SLCO4A1: variants seen among roughly 807,000 people sequenced by gnomAD.
SLCO4A1 encodes colon organic anion transporter.
In SLCO4A1, 51 loss-of-function variants were observed where a neutral mutation model predicts 64.6. The ratio of observed to expected loss-of-function variants is 0.79; its 90% CI spans 0.63 to 1.00. SLCO4A1 has a LOEUF of 1.00. SLCO4A1 is among the 50% of genes least tolerant of loss of function. The pLI is 0.00. For missense variants in SLCO4A1, 919 were observed against 980.5 expected (o/e 0.94, Z 0.84); for synonymous variants, 471 against 444.9 (o/e 1.06, Z -0.74).
chr20:62,677,675 AG>A (rs1290437326), intron 2 of SLCO4A1, among the ~76,000 whole-genome samples: 5 of 152,222 alleles, frequency 3.3e-5, no homozygotes, highest in African/African-American at 1.2e-4. Context: ...CCTCTGCTGG[AG>A]GTGGGGTCTG....
rs770800915 is a variant in SLCO4A1 at position 62,671,977 on chromosome 20, G to A, written c.*84G>A. The A allele has an allele frequency of 2.2e-4, 350 of 1,598,520 alleles. 1 individual carries two copies. Among genetic ancestry groups the A allele is most frequent in the East Asian group, 2.9e-4 (13 of 44,854 alleles). On this transcript the variant is annotated 3_prime_UTR_variant, in exon 12 of 12. Coordinates refer to ENST00000217159, the MANE Select transcript of SLCO4A1 (RefSeq NM_016354.4). ...GTGCCGTTGGGTGATGCAATCACAC[G>A]GGAACTTCTATTTGACCTGCAACCT...
downstream of SLCO4A1, among the ~76,000 whole-genome samples, chr20:62,689,615 T>C (rs1254429037): frequency 2.0e-5 from 3 of 152,106 alleles, no homozygotes; most frequent in African/African-American, 4.8e-5. Flanking sequence ...CCTGAGCAGC[T>C]GTCTCCACCC....
At chr20:62,654,623 A>C (rs1416560259) in intron 1 of SLCO4A1, among the ~76,000 whole-genome samples, 2 of 152,260 alleles carry the variant, frequency 1.3e-5, no homozygotes, top group Non-Finnish European at 2.9e-5. Flanking sequence ...CCCCGGCCTC[A>C]GCCTGATGTC....
rs1986657031 is a variant in SLCO4A1 at position 62,667,899 on chromosome 20, G to A, written c.1627G>A (p.Asp543Asn). The A allele has an allele frequency of 6.2e-7, 1 of 1,613,998 alleles. No homozygotes were observed. The highest frequency in any genetic ancestry group is 1.3e-5 in the African/African-American group (1 of 75,066). ...CCCTGCAGCCACGGAGACGAATGTG[G>A]ACGGCCAGAAGGTGAGTGGAGCCGC... ...GCPAATETNVDGQKVYRDCSC... is the reference protein window; with the variant it reads ...GCPAATETNVNGQKVYRDCSC... The change falls in exon 8 of 12, where the codon GAC becomes AAC. Residue 543 changes from aspartate to asparagine, a missense_variant. By Grantham distance (23) the Asp-to-Asn change is conservative. Transcript: ENST00000217159.
rs373153602 is a variant in SLCO4A1, at chr20:62,661,134, G to A, written c.1080G>A (p.Ala360=). 130 of 1,613,390 alleles carry A rather than the reference G, an allele frequency of 8.1e-5. No homozygotes were observed. The highest frequency in any genetic ancestry group is 3.7e-4 in the African/African-American group (28 of 75,028). Residue 360 remains alanine (A), a synonymous_variant, in exon 5 of 12, where the codon GCG becomes GCA. Coordinates refer to ENST00000217159, the MANE Select transcript of SLCO4A1 (RefSeq NM_016354.4). The surrounding 1 kb of genome is among the most constrained non-coding windows in gnomAD (Gnocchi z 5.2). ...TGAAGGACAGCAGCCGTGGGGAGGC[G>A]AGCAACCCGGACTTTGGGAAAACCA... is the stretch of plus-strand genomic sequence containing the variant. ...HQLKDSSRGE[A]SNPDFGKTIR...
chr20:62,663,203 T>TG (rs1314426730), intron 5 of SLCO4A1: 3 of 152,220 alleles, frequency 2.0e-5, no homozygotes, highest in Non-Finnish European at 4.4e-5. Flanking sequence ...AAGGCACCTG[T>TG]GGGCCTGTTG....
chr20:62,682,366 G>C (rs1258062174), intron 2 of SLCO4A1, among the ~76,000 whole-genome samples: 1 of 152,190 alleles, frequency 6.6e-6, no homozygotes, highest in Non-Finnish European at 1.5e-5. Context: ...TTTGCATGAG[G>C]GAGAATTGTG....
chr20:62,690,564 G>A (rs990578285), downstream of SLCO4A1, among the ~76,000 whole-genome samples: 54 of 152,138 alleles, frequency 3.5e-4, no homozygotes, highest in African/African-American at 1.3e-3. Context: ...AACTGCAAAA[G>A]GAAATTAACA....
At chr20:62,664,175 A>G (rs1039027970) in intron 5 of SLCO4A1, among the ~76,000 whole-genome samples, 1 of 152,182 alleles carries the variant, frequency 6.6e-6, no homozygotes, top group African/African-American at 2.4e-5. Context: ...CTGAGCCCTC[A>G]GGGCCAGACG....
chr20:62,651,152 C>T (rs915497994), intron 1 of SLCO4A1: 3 of 152,384 alleles, frequency 2.0e-5, no homozygotes, highest in Non-Finnish European at 4.4e-5. Flanking sequence ...CCCATCATAG[C>T]CAGCTTTTAT....
chr20:62,687,767 G>A (rs1202174653), downstream of SLCO4A1, among the ~76,000 whole-genome samples: 2 of 152,284 alleles, frequency 1.3e-5, no homozygotes, highest in East Asian at 1.9e-4. Context: ...CTGGGGCCGC[G>A]GGTCCCATGT....
downstream of SLCO4A1, among the ~76,000 whole-genome samples, chr20:62,673,541 G>A (rs1368709968): frequency 1.4e-5 from 2 of 143,904 alleles, no homozygotes; most frequent in African/African-American, 4.9e-5. Flanking sequence ...ATCCCTGACC[G>A]GGTTATTAGA....
In SLCO4A1 at chr20:62,668,992, G is replaced by T; in HGVS notation, c.1939G>T (p.Asp647Tyr). 6.2e-7 allele frequency: 1 copy of T among 1,610,574 alleles called. No individual in the cohort carries two copies. ...CGACAAGGCCTGTCTGCTGTGGCAG[G>T]ACCAGTGTGGCCAGCAGGGCTCCTG... ...VIDKACLLWQDQCGQQGSCLV... is the reference protein window; with the variant it reads ...VIDKACLLWQYQCGQQGSCLV... The change falls in exon 11 of 12, where the codon GAC becomes TAC. Residue 647 changes from aspartate to tyrosine, a missense_variant. Asp to Tyr is a radical substitution (Grantham distance 160). Coordinates refer to ENST00000217159, the MANE Select transcript of SLCO4A1 (RefSeq NM_016354.4).
intron 2 of SLCO4A1, among the ~76,000 whole-genome samples, chr20:62,681,537 CGT>C (rs10622663): frequency 6.8e-6 from 1 of 146,138 alleles, no homozygotes; most frequent in East Asian, 2.0e-4. Context: ...TGTACACACT[CGT>C]GTGTGTATTA....
intron 7 of SLCO4A1, chr20:62,667,433 T>G (rs1427890549): frequency 2.9e-6 from 1 of 343,052 alleles, no homozygotes; most frequent in Non-Finnish European, 5.3e-6. Flanking sequence ...TTTCCTAATG[T>G]TTGTATTTGA....
Position 62,658,566 on chromosome 20 carries a change from G to A in SLCO4A1, c.797-111G>A, listed in dbSNP as rs965659559. 9.7e-5 allele frequency: 77 copies of A among 795,312 alleles called. 1 individual carries two copies. The highest frequency in any genetic ancestry group is 7.6e-4 in the South Asian group (47 of 62,246). 49.3% of individuals were successfully genotyped at this position (795,312 alleles called of 1,614,324 possible). On this transcript the variant is annotated intron_variant, in intron 2 of 11. Transcript: ENST00000217159. The stretch of plus-strand genomic sequence containing the variant: ...AAGAGGCCCATGAGGGGAGTGGGCC[G>A]GAGATGCAGAATGGCGGGTGCGGGG...
downstream of SLCO4A1, among the ~76,000 whole-genome samples, chr20:62,676,209 G>A (rs1283895360): frequency 1.3e-5 from 2 of 152,100 alleles, no homozygotes; most frequent in Non-Finnish European, 2.9e-5. Context: ...GAGCCCAGGA[G>A]CTTGAGACCA....
Position 62,668,955 on chromosome 20 carries a change from C to A in SLCO4A1, c.1902C>A (p.Phe634Leu), listed in dbSNP as rs201252224. The change falls in exon 11 of 12, where the codon TTC (phenylalanine) becomes TTA (leucine). Residue 634 changes from phenylalanine (F) to leucine (L), a missense_variant. Coordinates refer to ENST00000217159, the MANE Select transcript of SLCO4A1 (RefSeq NM_016354.4). ...ILGGIPGPIA[F>L]GWVIDKACLL... ...GGGGCATCCCGGGGCCCATCGCCTT[C>A]GGCTGGGTGATCGACAAGGCCTGTC... 6.2e-7 allele frequency: 1 copy of A among 1,607,282 alleles called. No individual in the cohort carries two copies. Among genetic ancestry groups the A allele is most frequent in the Non-Finnish European group, 8.5e-7 (1 of 1,179,962 alleles).
At chr20:62,686,192 G>A (rs1412953020), downstream of SLCO4A1, among the ~76,000 whole-genome samples, 1 of 152,170 alleles carries the variant, frequency 6.6e-6, no homozygotes. Flanking sequence ...TGTAGCTCCC[G>A]CCCCAGTGCG....
Sources: allele counts gnomAD v4.1 joint callset (sites outside exome capture counted in the v4.1 genomes callset), GRCh38; gene constraint gnomAD v4.1.1; non-coding constraint Gnocchi (gnomAD v3.1); transcripts MANE v1.5; gene names NCBI Gene and HGNC (gene_info 2026-07-23, HGNC 2026-07-21).